KIF26B: variants seen among roughly 807,000 people sequenced by gnomAD.
KIF26B encodes the protein kinesin family member 26B.
In KIF26B, 63 loss-of-function variants were observed where a neutral mutation model predicts 151.2. The observed-to-expected ratio is 0.42, with a 90% CI of 0.34 to 0.51. KIF26B has a LOEUF of 0.51. Ranked by LOEUF, KIF26B falls within the 20% of genes least tolerant of loss-of-function variation. The pLI, the probability that KIF26B is intolerant of heterozygous loss-of-function variation, is 0.07. For synonymous variants in KIF26B, 1,357 were observed against 1,262.1 expected, an observed-to-expected ratio of 1.08 and a Z score of -1.59; for missense variants, 2,813 against 2,913.6, an observed-to-expected ratio of 0.97 and a Z score of 0.79.
chr1:245,645,156 C>G (rs1208096921), intron 9 of KIF26B, among the ~76,000 whole-genome samples: 1 of 151,930 alleles, frequency 6.6e-6, no homozygotes, highest in Admixed American at 6.5e-5. Context: ...TCCCACCAGG[C>G]CCCATCTCCA....
chr1:245,194,156 C>T lies in KIF26B; in HGVS notation c.465+37473C>T, dbSNP rs185663202. Among the ~76,000 whole-genome samples the T allele has an allele frequency of 4.9e-3, 751 of 152,280 alleles. 4 individuals are homozygous for T. Among genetic ancestry groups the T allele is most frequent in the African/African-American group, 0.017 (709 of 41,572 alleles). On this transcript the variant is annotated intron_variant, in intron 2 of 14. Coordinates refer to ENST00000407071, the MANE Select transcript of KIF26B (RefSeq NM_018012.4). ...TTTCTTCCATATAAGGCCATTATCT[C>T]GTCTTTGAACCTAATTTCTACTGCA...
intron 2 of KIF26B, among the ~76,000 whole-genome samples, chr1:245,198,705 C>T (rs1333785465): frequency 7.4e-6 from 1 of 135,910 alleles, no homozygotes; most frequent in Non-Finnish European, 1.6e-5. Context: ...TTAGCCTGGG[C>T]AATAGAGAGA....
chr1:245,598,146 T>C (rs1419881202), intron 5 of KIF26B, among the ~76,000 whole-genome samples: 1 of 152,152 alleles, frequency 6.6e-6, no homozygotes, highest in Non-Finnish European at 1.5e-5. Flanking sequence ...CTCTGTAGCC[T>C]AGAACCTTGT....
chr1:245,604,379 A>T (rs1213450641), intron 6 of KIF26B, among the ~76,000 whole-genome samples: 1 of 152,214 alleles, frequency 6.6e-6, no homozygotes, highest in African/African-American at 2.4e-5. Context: ...CACATGTTAC[A>T]GGCTCCATTC....
chr1:245,390,943 A>ACAAAACAAAAC (rs1224485847), intron 3 of KIF26B, among the ~76,000 whole-genome samples: 6 of 118,408 alleles, frequency 5.1e-5, no homozygotes, highest in African/African-American at 2.5e-4. Context: ...AAAAAAAAAA[A>ACAAAACAAAAC]AAAAAAAAAC....
At chr1:245,470,176 C>A (rs1017179842) in intron 4 of KIF26B, among the ~76,000 whole-genome samples, 6 of 151,760 alleles carry the variant, frequency 4.0e-5, no homozygotes, top group Non-Finnish European at 8.8e-5. Flanking sequence ...ACGTTGACAC[C>A]CAGACTTAGA....
chr1:245,284,557 G>A (rs1267228632), intron 2 of KIF26B, among the ~76,000 whole-genome samples: 1 of 152,156 alleles, frequency 6.6e-6, no homozygotes, highest in African/African-American at 2.4e-5. Flanking sequence ...CTGTGGGGCA[G>A]GTTTTTGTTT....
At chr1:245,393,760 G>A (rs902498030) in intron 3 of KIF26B, among the ~76,000 whole-genome samples, 1 of 152,178 alleles carries the variant, frequency 6.6e-6, no homozygotes, top group Non-Finnish European at 1.5e-5. Context: ...AGAAGACAAG[G>A]GAGATTTCAA....
chr1:245,262,433 T>G (rs757863531), intron 2 of KIF26B, among the ~76,000 whole-genome samples: 2 of 152,076 alleles, frequency 1.3e-5, no homozygotes, highest in Non-Finnish European at 2.9e-5. Flanking sequence ...GGGAATGAGT[T>G]CTTTTTTTGT....
chr1:245,698,156 C>T lies in KIF26B; in HGVS notation c.5875C>T (p.Pro1959Ser). The change falls in exon 13 of 15, where the codon CCT (proline) becomes TCT (serine). Residue 1959 changes from proline to serine, a missense_variant. Physicochemically the swap from Pro to Ser is moderately conservative, Grantham distance 74. Transcript: ENST00000407071. The surrounding 1 kb of genome is among the most constrained non-coding windows in gnomAD (Gnocchi z 4.0). ...IPALSLDTSS[P>S]VRKPPNSTGV... ...AGCACTATCCCTGGACACCTCTTCC[C>T]CTGTGAGAAAACCCCCCAACAGCAC... 1 of 1,614,046 alleles carries T rather than the reference C, an allele frequency of 6.2e-7. No individual in the cohort carries two copies. Among genetic ancestry groups the T allele is most frequent in the Non-Finnish European group, 8.5e-7 (1 of 1,179,904 alleles).
At chr1:245,579,949 G>T (rs894341967) in intron 5 of KIF26B, among the ~76,000 whole-genome samples, 2 of 152,132 alleles carry the variant, frequency 1.3e-5, no homozygotes, top group African/African-American at 4.8e-5. Flanking sequence ...GGCCCTCTCA[G>T]TCAAGGAGAC....
At chr1:245,256,588 G>A (rs1346356869) in intron 2 of KIF26B, among the ~76,000 whole-genome samples, 1 of 152,108 alleles carries the variant, frequency 6.6e-6, no homozygotes, top group African/African-American at 2.4e-5. Flanking sequence ...ATAACATTCT[G>A]AGCTCCCCAA....
intron 2 of KIF26B, among the ~76,000 whole-genome samples, chr1:245,184,015 C>CTAA (rs1668950722): frequency 8.5e-6 from 1 of 117,946 alleles, no homozygotes. Context: ...ATCTTGACCC[C>CTAA]TAACCTCCTG....
Position 245,667,294 on chromosome 1 carries a change from G to T in KIF26B, c.2259-16939G>T, listed in dbSNP as rs1162190885. Reference sequence around the variant, plus strand: ...GGGCTCAAGCTATCCTCCTGACTCAGCCTCCCAAGTAGCTGGGACAACAGG... The same window carrying T: ...GGGCTCAAGCTATCCTCCTGACTCATCCTCCCAAGTAGCTGGGACAACAGG... On this transcript the variant is annotated intron_variant, in intron 10 of 14. Transcript: ENST00000407071. The surrounding 1 kb of genome is among the most constrained non-coding windows in gnomAD (Gnocchi z 4.3). 6.6e-6 allele frequency among the ~76,000 whole-genome samples: 1 copy of T among 152,116 alleles called. No homozygotes were observed. Among genetic ancestry groups the T allele is most frequent in the African/African-American group, 2.4e-5 (1 of 41,432 alleles).
intron 2 of KIF26B, among the ~76,000 whole-genome samples, chr1:245,256,883 C>G (rs1370397307): frequency 6.6e-6 from 1 of 152,256 alleles, no homozygotes; most frequent in Non-Finnish European, 1.5e-5. Flanking sequence ...TGAAATGTCC[C>G]TGCAAAGCTG....
intron 10 of KIF26B, among the ~76,000 whole-genome samples, chr1:245,678,668 CG>C (rs1213317184): frequency 1.3e-5 from 2 of 151,976 alleles, no homozygotes; most frequent in African/African-American, 2.4e-5. Flanking sequence ...TTGAGACCAT[CG>C]TGGCCAACAT....
chr1:245,389,052 C>T (rs914422272), intron 3 of KIF26B, among the ~76,000 whole-genome samples: 3 of 152,128 alleles, frequency 2.0e-5, no homozygotes, highest in South Asian at 2.1e-4. Context: ...AGGAAAGTTC[C>T]GTTTTGTTAG....
intron 9 of KIF26B, among the ~76,000 whole-genome samples, chr1:245,640,638 G>A (rs1369716954): frequency 1.3e-5 from 2 of 151,894 alleles, no homozygotes; most frequent in Admixed American, 6.6e-5. Flanking sequence ...TTGATAGCAT[G>A]TTTTAATTTG....
chr1:245,677,125 G>A (rs1342793976), intron 10 of KIF26B, among the ~76,000 whole-genome samples: 2 of 152,186 alleles, frequency 1.3e-5, no homozygotes, highest in Non-Finnish European at 2.9e-5. Context: ...CTGCCAACCA[G>A]CGGTCTCAGG....
Sources: gnomAD v4.1 joint callset for allele counts (sites outside exome capture counted in the v4.1 genomes callset) on GRCh38, gnomAD v4.1.1 for gene constraint, Gnocchi (gnomAD v3.1) non-coding constraint, MANE v1.5 for transcripts, NCBI Gene and HGNC (gene_info 2026-07-23, HGNC 2026-07-21) for gene names.